The following TCF12 variants were observed in gnomAD, a reference collection of about 807,000 sequenced individuals.
TCF12 encodes the protein DNA-binding protein HTF4.
TCF12 carries 45 observed loss-of-function variants against 86.0 expected under a neutral mutation model. The ratio of observed to expected loss-of-function variants is 0.52; its 90% CI spans 0.41 to 0.67. The LOEUF (loss-of-function observed/expected upper bound fraction) is 0.67, where lower values mean the gene tolerates loss of function less well. Ranked by LOEUF, TCF12 falls within the 30% of genes least tolerant of loss-of-function variation. The pLI is 0.00. For synonymous variants in TCF12, 330 were observed against 299.6 expected (o/e 1.10, Z -1.05); for missense variants, 881 against 859.9 (o/e 1.02, Z -0.31).
intron 5 of TCF12, chr15:57,134,454 G>C (rs1247089328): frequency 6.6e-6 from 1 of 152,184 alleles, no homozygotes; most frequent in Non-Finnish European, 1.5e-5. Context: ...ATGAAGTTCT[G>C]CTCTACTTGT....
At chr15:57,086,136 T>C (rs986373703) in intron 4 of TCF12, among the ~76,000 whole-genome samples, 5 of 151,170 alleles carry the variant, frequency 3.3e-5, no homozygotes, top group African/African-American at 1.2e-4. Flanking sequence ...ATGTCATTGT[T>C]GGGGGAAAAA....
At chr15:57,056,844 T>C (rs2141643843) in intron 3 of TCF12, among the ~76,000 whole-genome samples, 1 of 152,184 alleles carries the variant, frequency 6.6e-6, no homozygotes, top group East Asian at 1.9e-4. Context: ...TATCTTTCAC[T>C]TTATTGAGCA....
In TCF12 at chr15:57,253,454, C is replaced by A. The variant is rs760718747; in HGVS notation, c.1453C>A (p.Arg485=). 1.2e-6 allele frequency: 2 copies of A among 1,613,938 alleles called. No individual in the cohort carries two copies. Among genetic ancestry groups the A allele is most frequent in the South Asian group, 1.1e-5 (1 of 91,072 alleles). The change falls in exon 16 of 21, where the codon CGA becomes AGA. Residue 485 remains arginine, a synonymous_variant. Coordinates refer to ENST00000333725, the MANE Select transcript of TCF12 (RefSeq NM_207037.2). ...YGGSSLVASS[R]SASMVGTHRE... is the part of the protein sequence containing the mutation. ...AGGATCAAGCCTTGTTGCAAGCAGT[C>A]GATCAGCTTCAATGGTAAAATCATG...
chr15:57,165,337 A>G (rs2054807224), intron 5 of TCF12, among the ~76,000 whole-genome samples: 1 of 152,220 alleles, frequency 6.6e-6, no homozygotes, highest in African/African-American at 2.4e-5. Flanking sequence ...GCTCAAAAAC[A>G]TAATATATGG....
At chr15:57,145,377 T>G (rs772575653) in intron 5 of TCF12, among the ~76,000 whole-genome samples, 1 of 152,226 alleles carries the variant, frequency 6.6e-6, no homozygotes, top group Non-Finnish European at 1.5e-5. Context: ...GATTCTCATT[T>G]ATAAATGATT....
At position 57,255,641 on chromosome 15, in the gene TCF12, G is replaced by A. The variant is rs189601667; in HGVS notation, c.1467+2173G>A. ...TGGGATTATAGGCACCCGCCACCAC[G>A]TCCGGCTAATTTTTCTGTTTTTAGT... is the stretch of plus-strand genomic sequence containing the variant. On this transcript the variant is annotated intron_variant, in intron 16 of 20. Coordinates refer to ENST00000333725, the MANE Select transcript of TCF12 (RefSeq NM_207037.2). Among the ~76,000 whole-genome samples the A allele has an allele frequency of 1.2e-4, 19 of 152,060 alleles. No individual in the cohort carries two copies. In the East Asian group the frequency reaches 2.7e-3, roughly 22 times the overall value.
chr15:57,152,478 G>A (rs2053831596), intron 5 of TCF12, among the ~76,000 whole-genome samples: 1 of 152,064 alleles, frequency 6.6e-6, no homozygotes, highest in African/African-American at 2.4e-5. Context: ...AACATAGCAT[G>A]CATGAATTAA....
At chr15:57,207,746 A>AT (rs763931042) in intron 8 of TCF12, among the ~76,000 whole-genome samples, 1 of 152,150 alleles carries the variant, frequency 6.6e-6, no homozygotes. Context: ...GAGCTTGACA[A>AT]TTTTTTAAAC....
intron 3 of TCF12, among the ~76,000 whole-genome samples, chr15:57,043,011 T>C (rs1299252692): frequency 2.0e-5 from 3 of 152,218 alleles, no homozygotes; most frequent in Admixed American, 1.3e-4. Context: ...ATTTGTCCTT[T>C]TGTGACTGGC....
At chr15:56,933,275 A>G (rs1290623344) in intron 3 of TCF12, among the ~76,000 whole-genome samples, 3 of 152,240 alleles carry the variant, frequency 2.0e-5, no homozygotes, top group African/African-American at 4.8e-5. Context: ...AGAACTTTTA[A>G]TTCATTAAAT....
chr15:57,147,975 G>A (rs999740015), intron 5 of TCF12, among the ~76,000 whole-genome samples: 2 of 150,986 alleles, frequency 1.3e-5, no homozygotes, highest in Non-Finnish European at 2.9e-5. Flanking sequence ...CCAAATCCTG[G>A]ACTCAACAAT....
chr15:57,077,693 A>G (rs564185501), intron 4 of TCF12, among the ~76,000 whole-genome samples: 6 of 151,594 alleles, frequency 4.0e-5, no homozygotes, highest in African/African-American at 1.4e-4. Flanking sequence ...CGGCTTCCCA[A>G]AGTGCTAGGT....
At chr15:56,961,656 A>C (rs1567170048) in intron 3 of TCF12, among the ~76,000 whole-genome samples, 1 of 152,238 alleles carries the variant, frequency 6.6e-6, no homozygotes, top group Non-Finnish European at 1.5e-5. Context: ...GGTCATTACC[A>C]ATTAGTGGGT....
At position 57,109,840 on chromosome 15, in the gene TCF12, T is replaced by C. The variant is rs144716922; in HGVS notation, c.325+17949T>C. Among the ~76,000 whole-genome samples, 536 of 152,328 alleles carry C rather than the reference T, an allele frequency of 3.5e-3. 12 individuals carry two copies. Among genetic ancestry groups the C allele is most frequent in the Admixed American group, 0.029 (448 of 15,300 alleles). On this transcript the variant is annotated intron_variant, in intron 5 of 20. Transcript: ENST00000333725. ...AATCACAGTTGTATTAAGTCAGCCA[T>C]GAAGATTTCCTCCTTAATGCAAATG...
intron 3 of TCF12, among the ~76,000 whole-genome samples, chr15:56,936,835 G>A (rs1257302069): frequency 6.6e-6 from 1 of 152,086 alleles, no homozygotes; most frequent in Non-Finnish European, 1.5e-5. Flanking sequence ...TGGTCTGTGT[G>A]CTTATTTTTA....
intron 3 of TCF12, among the ~76,000 whole-genome samples, chr15:56,940,210 G>A (rs2060669527): frequency 6.6e-6 from 1 of 151,956 alleles, no homozygotes; most frequent in South Asian, 2.1e-4. Flanking sequence ...TAGTATTATA[G>A]TCAATGTGAG....
At chr15:57,054,413 A>G (rs752719954) in intron 3 of TCF12, among the ~76,000 whole-genome samples, 2 of 152,190 alleles carry the variant, frequency 1.3e-5, no homozygotes, top group Non-Finnish European at 2.9e-5. Flanking sequence ...TCACATTGGT[A>G]TAGTGTTGTA....
intron 4 of TCF12, among the ~76,000 whole-genome samples, chr15:57,071,821 T>C (rs1474379385): frequency 6.6e-6 from 1 of 152,178 alleles, no homozygotes; most frequent in Non-Finnish European, 1.5e-5. Flanking sequence ...TTGAGTAGAC[T>C]GTTACAGGAC....
intron 19 of TCF12, among the ~76,000 whole-genome samples, chr15:57,277,627 C>CA (rs572510620): frequency 0.14 from 10,227 of 74,546 alleles, 634 homozygotes; most frequent in Admixed American, 0.28. Flanking sequence ...GACTCCATCT[C>CA]AAAAAAAAAA....
Sources: allele counts gnomAD v4.1 joint callset (sites outside exome capture counted in the v4.1 genomes callset), GRCh38; gene constraint gnomAD v4.1.1; transcripts MANE v1.5; gene names NCBI Gene and HGNC (gene_info 2026-07-23, HGNC 2026-07-21).